The following GPR137B variants were observed in gnomAD, a reference collection of about 807,000 sequenced individuals.
GPR137B encodes G protein-coupled receptor 137B.
Under a neutral mutation model 42.5 loss-of-function variants are expected in GPR137B, and 42 were observed. That is an observed-to-expected ratio of 0.99 (90% CI 0.77 to 1.28). The LOEUF is 1.28. Ranked by LOEUF, GPR137B falls within the 50% of genes most tolerant of loss-of-function variation. The pLI is 0.00. For synonymous variants in GPR137B, 218 were observed against 209.7 expected (o/e 1.04, Z -0.34); for missense variants, 487 against 493.9 (o/e 0.99, Z 0.13).
intron 1 of GPR137B, among the ~76,000 whole-genome samples, chr1:236,161,083 C>T (rs368677196): frequency 6.6e-6 from 1 of 152,068 alleles, no homozygotes; most frequent in Non-Finnish European, 1.5e-5. Flanking sequence ...CCTCCAATTC[C>T]CCGCCACGCC....
chr1:236,180,042 C>G lies in GPR137B; in HGVS notation c.837+14C>G. 6.2e-7 allele frequency: 1 copy of G among 1,610,492 alleles called. No homozygotes were observed. Among genetic ancestry groups the G allele is most frequent in the Non-Finnish European group, 8.5e-7 (1 of 1,176,772 alleles). On this transcript the variant is annotated intron_variant, in intron 4 of 6. Coordinates refer to ENST00000366592, the MANE Select transcript of GPR137B (RefSeq NM_003272.4). ...GTATCAGACCAGGTCAGTGGGGGCGCTGAGGAGGTGTCACCTGACCAGGGA... is the reference window on the plus strand; with the variant it reads ...GTATCAGACCAGGTCAGTGGGGGCGGTGAGGAGGTGTCACCTGACCAGGGA...
Position 236,208,634 on chromosome 1 carries a change from C to T in GPR137B, c.*476C>T. On this transcript the variant is annotated 3_prime_UTR_variant, in exon 7 of 7. Coordinates refer to ENST00000366592, the MANE Select transcript of GPR137B (RefSeq NM_003272.4). ...ATGGTCACTCCGATTCTGAGTGCCA[C>T]ATTGGTAGACTCCTAAAATACAGTT... The T allele has an allele frequency of 1.0e-6, 1 of 985,440 alleles. No individual in the cohort carries two copies. 61.0% of individuals were successfully genotyped at this position (985,440 alleles called of 1,614,324 possible).
intron 2 of GPR137B, 29 bp from the exon 3 acceptor site, chr1:236,178,385 A>C (rs200145572): frequency 2.2e-4 from 289 of 1,339,834 alleles, no homozygotes; most frequent in Non-Finnish European, 2.7e-4. Flanking sequence ...TGGGATGTGC[A>C]GCTGACAAGT....
chr1:236,192,454 C>G (rs1398909453), intron 5 of GPR137B, among the ~76,000 whole-genome samples: 1 of 151,998 alleles, frequency 6.6e-6, no homozygotes, highest in African/African-American at 2.4e-5. Context: ...TGCTTGAAAC[C>G]TAGGGCCCTG....
intron 5 of GPR137B, among the ~76,000 whole-genome samples, chr1:236,204,376 T>C (rs1352296280): frequency 6.6e-6 from 1 of 152,178 alleles, no homozygotes; most frequent in African/African-American, 2.4e-5. Flanking sequence ...TTATGTGTCT[T>C]TGGTTTTAGT....
chr1:236,168,189 G>T (rs1217090027), intron 1 of GPR137B, among the ~76,000 whole-genome samples: 31 of 152,134 alleles, frequency 2.0e-4, no homozygotes, highest in Admixed American at 2.0e-3. Context: ...CACTTTGGGA[G>T]GCTGAGGTGG....
chr1:236,201,571 A>G (rs1663496193), intron 5 of GPR137B, among the ~76,000 whole-genome samples: 1 of 151,964 alleles, frequency 6.6e-6, no homozygotes, highest in Non-Finnish European at 1.5e-5. Flanking sequence ...CTTTACAGTG[A>G]ATTTTTTATC....
chr1:236,144,481 C>T (rs1661628365), intron 1 of GPR137B, among the ~76,000 whole-genome samples: 1 of 152,222 alleles, frequency 6.6e-6, no homozygotes, highest in Non-Finnish European at 1.5e-5. Context: ...GTGGAAGCCA[C>T]TGACTGAAAA....
chr1:236,183,531 G>C (rs374713781), intron 4 of GPR137B, among the ~76,000 whole-genome samples: 1 of 152,120 alleles, frequency 6.6e-6, no homozygotes, highest in Non-Finnish European at 1.5e-5. Context: ...TAAAAAATCC[G>C]TATCTGAGGT....
chr1:236,159,571 G>T (rs1299288298), intron 1 of GPR137B, among the ~76,000 whole-genome samples: 1 of 151,948 alleles, frequency 6.6e-6, no homozygotes, highest in East Asian at 1.9e-4. Context: ...TACTCGGGAG[G>T]CTGAGGCAGG....
At chr1:236,146,097 A>G (rs1206755513) in intron 1 of GPR137B, among the ~76,000 whole-genome samples, 1 of 151,924 alleles carries the variant, frequency 6.6e-6, no homozygotes, top group Non-Finnish European at 1.5e-5. Context: ...ACCTCAAGTA[A>G]TCTGCCCACC....
chr1:236,184,883 C>T (rs1432264670), intron 5 of GPR137B, among the ~76,000 whole-genome samples: 1 of 152,090 alleles, frequency 6.6e-6, no homozygotes, highest in African/African-American at 2.4e-5. Flanking sequence ...TCTCCTGCCT[C>T]AGCCTCCCAA....
chr1:236,183,328 TC>T (rs1056944698), intron 4 of GPR137B, among the ~76,000 whole-genome samples: 2 of 152,206 alleles, frequency 1.3e-5, no homozygotes, highest in Middle Eastern at 3.2e-3. Context: ...TGTATGCTGC[TC>T]CCAAGAATTT....
chr1:236,183,740 C>T (rs1180271636), intron 4 of GPR137B, 38 bp from the exon 5 acceptor site: 3 of 1,521,590 alleles, frequency 2.0e-6, no homozygotes, highest in Non-Finnish European at 2.7e-6. Context: ...ATTTCCTCTT[C>T]CCTTGGTCTG....
At chr1:236,145,512 C>G (rs1237663208) in intron 1 of GPR137B, among the ~76,000 whole-genome samples, 1 of 152,184 alleles carries the variant, frequency 6.6e-6, no homozygotes, top group Non-Finnish European at 1.5e-5. Flanking sequence ...GTGTGTGCCA[C>G]TATGCCCAGC....
Position 236,205,240 on chromosome 1 carries a change from C to T in GPR137B, c.1081C>T (p.Leu361Phe), listed in dbSNP as rs1269375963. The T allele has an allele frequency of 6.2e-7, 1 of 1,613,046 alleles. No individual in the cohort carries two copies. Among genetic ancestry groups the T allele is most frequent in the African/African-American group, 1.3e-5 (1 of 74,878 alleles). ...DLAWNIAPQG[L>F]QGGFAPDYYD... ...TGCCTGGAACATTGCCCCTCAGGGA[C>T]TTCAGGGAGGGTAAGACCCTACTTC... The change falls in exon 6 of 7, where the codon CTT becomes TTT. Residue 361 changes from leucine to phenylalanine, a missense_variant. Physicochemically the swap from Leu to Phe is conservative, Grantham distance 22. Coordinates refer to ENST00000366592, the MANE Select transcript of GPR137B (RefSeq NM_003272.4).
At chr1:236,189,445 G>C (rs1291410089) in intron 5 of GPR137B, among the ~76,000 whole-genome samples, 1 of 152,046 alleles carries the variant, frequency 6.6e-6, no homozygotes, top group Non-Finnish European at 1.5e-5. Flanking sequence ...GCTTTCTCTT[G>C]TGGGCATTTT....
intron 5 of GPR137B, among the ~76,000 whole-genome samples, chr1:236,194,913 T>C (rs759899375): frequency 5.3e-5 from 8 of 152,214 alleles, no homozygotes; most frequent in Non-Finnish European, 1.2e-4. Context: ...TCTCATGATT[T>C]ATATCCAAAT....
intron 1 of GPR137B, 117 bp from the exon 2 acceptor site, chr1:236,168,589 A>T: frequency 1.3e-6 from 1 of 749,666 alleles, no homozygotes; most frequent in Non-Finnish European, 2.4e-6. Context: ...CATTTCAATT[A>T]TAAAAAACGT....
Sources: gnomAD v4.1 joint callset for allele counts (sites outside exome capture counted in the v4.1 genomes callset) on GRCh38, gnomAD v4.1.1 for gene constraint, MANE v1.5 for transcripts, NCBI Gene and HGNC (gene_info 2026-07-23, HGNC 2026-07-21) for gene names.